Variants in CADM3 observed in about 807,000 individuals in gnomAD.
CADM3 encodes cell adhesion molecule 3.
In CADM3, 11 loss-of-function variants were observed where a neutral mutation model predicts 44.9. That is an observed-to-expected ratio of 0.25 (90% CI 0.15 to 0.41). The LOEUF is 0.41. Ranked by LOEUF, CADM3 falls within the 10% of genes least tolerant of loss-of-function variation. The probability of loss-of-function intolerance (pLI) is 1.00; values close to 1 mark genes in which losing one functional copy is unlikely to be tolerated. For missense variants in CADM3, 426 were observed against 512.0 expected, an observed-to-expected ratio of 0.83 and a Z score of 1.62; for synonymous variants, 207 against 205.2, an observed-to-expected ratio of 1.01 and a Z score of -0.08.
At position 159,191,982 on chromosome 1, in the gene CADM3, C is replaced by A. The variant is rs1394780360; in HGVS notation, c.135C>A (p.Thr45=). 3 of 1,613,988 alleles carry A rather than the reference C, an allele frequency of 1.9e-6. No individual in the cohort carries two copies. Among genetic ancestry groups the A allele is most frequent in the South Asian group, 1.1e-5 (1 of 91,082 alleles). The change falls in exon 2 of 9, where the codon ACC becomes ACA. Residue 45 remains threonine (T), a synonymous_variant. Transcript: ENST00000368125. ...ATGAAACAGTGGTGGCTGGTGGCAC[C>A]GTGGTGCTCAAGTGCCAAGTGAAAG... ...TSDETVVAGG[T]VVLKCQVKDH...
At chr1:159,190,627 A>G (rs1411920241) in intron 1 of CADM3, among the ~76,000 whole-genome samples, 1 of 152,240 alleles carries the variant, frequency 6.6e-6, no homozygotes, top group Non-Finnish European at 1.5e-5. Flanking sequence ...CGATGCTATC[A>G]GTCAATAGCA....
intron 1 of CADM3, among the ~76,000 whole-genome samples, chr1:159,188,179 A>G (rs1374794917): frequency 6.6e-6 from 1 of 151,938 alleles, no homozygotes; most frequent in South Asian, 2.1e-4. Context: ...CAGCTGTCTC[A>G]GAGTCCCATT....
At chr1:159,182,211 G>GT (rs1649262886) in intron 1 of CADM3, among the ~76,000 whole-genome samples, 1 of 152,166 alleles carries the variant, frequency 6.6e-6, no homozygotes, top group Admixed American at 6.5e-5. Context: ...GCCCTGAAGT[G>GT]TAAGAAGATG....
At chr1:159,194,118 G>A in intron 5 of CADM3, 78 bp downstream of exon 5, 1 of 1,446,244 alleles carries the variant, frequency 6.9e-7, no homozygotes, top group Non-Finnish European at 9.5e-7. Context: ...AGGTGACTGT[G>A]CATGAAACAA....
chr1:159,183,599 A>G (rs1039280062), intron 1 of CADM3, among the ~76,000 whole-genome samples: 3 of 152,144 alleles, frequency 2.0e-5, no homozygotes. Flanking sequence ...CATTGGAACT[A>G]AGGAAAGGAG....
At chr1:159,193,607 A>G in intron 4 of CADM3, 47 bp downstream of exon 4, 4 of 1,612,786 alleles carry the variant, frequency 2.5e-6, no homozygotes, top group Non-Finnish European at 3.4e-6. Flanking sequence ...GGTGCTGGAA[A>G]GAGAGAGAAG....
intron 1 of CADM3, among the ~76,000 whole-genome samples, chr1:159,182,377 G>A (rs992680329): frequency 2.6e-5 from 4 of 152,150 alleles, no homozygotes; most frequent in Non-Finnish European, 5.9e-5. Context: ...GGGTGTCAGC[G>A]GAAATATTTG....
intron 1 of CADM3, among the ~76,000 whole-genome samples, chr1:159,190,615 G>A (rs1649615433): frequency 6.6e-6 from 1 of 152,180 alleles, no homozygotes; most frequent in South Asian, 2.1e-4. Flanking sequence ...ACCCTGAACA[G>A]TCGATGCTAT....
At chr1:159,186,022 C>T (rs1163788071) in intron 1 of CADM3, among the ~76,000 whole-genome samples, 1 of 152,166 alleles carries the variant, frequency 6.6e-6, no homozygotes, top group Non-Finnish European at 1.5e-5. Context: ...CTGGGACAAT[C>T]AGGGAAGACT....
chr1:159,196,570 C>T, intron 6 of CADM3, 116 bp downstream of exon 6: 1 of 840,054 alleles, frequency 1.2e-6, no homozygotes, highest in Non-Finnish European at 1.9e-6. Context: ...CTCTCATTTC[C>T]CTGACTGTCC....
chr1:159,183,472 C>G (rs1220643658), intron 1 of CADM3, among the ~76,000 whole-genome samples: 1 of 152,066 alleles, frequency 6.6e-6, no homozygotes, highest in African/African-American at 2.4e-5. Flanking sequence ...GTCTCAGTAG[C>G]CCAGCCAGAA....
intron 4 of CADM3, 123 bp downstream of exon 4, chr1:159,193,683 G>C (rs897074001): frequency 6.1e-6 from 9 of 1,473,742 alleles, no homozygotes; most frequent in Non-Finnish European, 8.4e-6. Context: ...CATATATTTT[G>C]TGTGCACTCA....
intron 1 of CADM3, 22 bp from the exon 2 acceptor site, chr1:159,191,914 T>C: frequency 6.2e-7 from 1 of 1,613,674 alleles, no homozygotes; most frequent in African/African-American, 1.3e-5. Context: ...CTCAGGAAAC[T>C]AACACTCTTC....
chr1:159,198,515 C>A (rs546415752), intron 7 of CADM3, among the ~76,000 whole-genome samples: 1 of 152,298 alleles, frequency 6.6e-6, no homozygotes, highest in South Asian at 2.1e-4. Flanking sequence ...GCATAAAAAA[C>A]CAGAACACAA....
chr1:159,171,843 C>G lies in CADM3; in HGVS notation c.78C>G (p.Leu26=). The change falls in exon 1 of 9, where the codon CTC becomes CTG. Residue 26 remains leucine, a synonymous_variant. Transcript: ENST00000368125. The part of the protein sequence containing the change: ...ACCWAPGGAN[L]SQDDSQPWTS... Reference sequence around the variant, plus strand: ...GCTGGGCGCCCGGCGGGGCCAACCTCTCCCAGGACGGTGAGTGAGGGAGGG... The same window carrying G: ...GCTGGGCGCCCGGCGGGGCCAACCTGTCCCAGGACGGTGAGTGAGGGAGGG... The G allele has an allele frequency of 8.0e-7, 1 of 1,244,498 alleles. No homozygotes were observed. Among genetic ancestry groups the G allele is most frequent in the Non-Finnish European group, 1.0e-6 (1 of 992,778 alleles). 77.1% of individuals were successfully genotyped at this position (1,244,498 alleles called of 1,614,324 possible). A position where few individuals can be genotyped will look rare whatever the true frequency, so the allele number is the denominator to read the frequency against.
Position 159,171,666 on chromosome 1 carries a change from C to A in CADM3, c.-100C>A. 2.2e-6 allele frequency: 2 copies of A among 892,336 alleles called. No homozygotes were observed. Among genetic ancestry groups the A allele is most frequent in the Admixed American group, 4.3e-5 (1 of 23,250 alleles). 55.3% of individuals were successfully genotyped at this position (892,336 alleles called of 1,614,324 possible). ...CCCGGGCTCCGAAGCGGCTCGGGGG[C>A]GCCCTTTCGGTCAACATCGTAGTCC... On this transcript the variant is annotated 5_prime_UTR_variant, in exon 1 of 9. Transcript: ENST00000368125.
At chr1:159,193,816 ACT>A in intron 4 of CADM3, 52 bp from the exon 5 acceptor site, 1 of 1,595,672 alleles carries the variant, frequency 6.3e-7, no homozygotes, top group Admixed American at 1.7e-5. Flanking sequence ...TGTTAGGTTT[ACT>A]CTGTGTCTCT....
At chr1:159,180,873 T>C (rs1052924447) in intron 1 of CADM3, among the ~76,000 whole-genome samples, 2 of 152,136 alleles carry the variant, frequency 1.3e-5, no homozygotes, top group African/African-American at 4.8e-5. Flanking sequence ...CACCAAGCCA[T>C]CAGCCTGTAA....
At chr1:159,195,755 T>TG (rs1211615530) in intron 5 of CADM3, 1 of 152,356 alleles carries the variant, frequency 6.6e-6, no homozygotes, top group Non-Finnish European at 1.5e-5. Flanking sequence ...AGCGGCCATC[T>TG]GGACCTAGCC....
Sources: allele counts gnomAD v4.1 joint callset (sites outside exome capture counted in the v4.1 genomes callset), GRCh38; gene constraint gnomAD v4.1.1; transcripts MANE v1.5; gene names NCBI Gene and HGNC (gene_info 2026-07-23, HGNC 2026-07-21).